The following VWA8 variants were observed in gnomAD, a reference collection of about 807,000 sequenced individuals.
VWA8 encodes von Willebrand factor A domain-containing protein 8.
Under a neutral mutation model 241.5 loss-of-function variants are expected in VWA8, and 221 were observed. The ratio of observed to expected loss-of-function variants is 0.91; its 90% CI spans 0.82 to 1.02. VWA8 has a LOEUF of 1.02. VWA8 is among the 50% of genes least tolerant of loss of function. VWA8 has a pLI of 0.00. For synonymous variants in VWA8, 852 were observed against 827.1 expected (o/e 1.03, Z -0.52); for missense variants, 2,322 against 2,328.7 (o/e 1.00, Z 0.06).
intron 35 of VWA8, among the ~76,000 whole-genome samples, chr13:41,679,156 T>C (rs2045080592): frequency 6.6e-6 from 1 of 152,072 alleles, no homozygotes; most frequent in Non-Finnish European, 1.5e-5. Context: ...CAAAGATAGG[T>C]ATAAGTTGTA....
chr13:41,941,738 C>T (rs1187159899), intron 2 of VWA8, among the ~76,000 whole-genome samples: 1 of 152,146 alleles, frequency 6.6e-6, no homozygotes, highest in East Asian at 1.9e-4. Flanking sequence ...CACTAAGCAC[C>T]AGGCAGTATC....
chr13:41,873,689 C>T (rs939589060), intron 9 of VWA8, among the ~76,000 whole-genome samples: 13 of 152,078 alleles, frequency 8.5e-5, no homozygotes, highest in Admixed American at 2.0e-4. Context: ...GTGGCAATAA[C>T]CAATAGCTCA....
At chr13:41,770,170 G>A (rs989039826) in intron 20 of VWA8, among the ~76,000 whole-genome samples, 2 of 151,986 alleles carry the variant, frequency 1.3e-5, no homozygotes, top group Non-Finnish European at 2.9e-5. Flanking sequence ...GTTTGAGGCC[G>A]GGCGCGGTGG....
rs375493127 is a variant in VWA8, at chr13:41,625,228, T to A, written c.4612-10144A>T. ...ATGGCAACAAAAGCCAAAATTGACA[T>A]ATGGGATCTAACTAAACTAAAGAGC... On this transcript the variant is annotated intron_variant, in intron 37 of 44. Coordinates refer to ENST00000379310, the MANE Select transcript of VWA8 (RefSeq NM_015058.2). Among the ~76,000 whole-genome samples the A allele has an allele frequency of 5.5e-3, 838 of 151,916 alleles. 11 individuals carry two copies. The highest frequency in any genetic ancestry group is 0.016 in the African/African-American group (661 of 41,460).
chr13:41,804,257 C>A lies in VWA8; in HGVS notation c.2063+6968G>T, dbSNP rs990959576. On this transcript the variant is annotated intron_variant, in intron 17 of 44. Coordinates refer to ENST00000379310, the MANE Select transcript of VWA8 (RefSeq NM_015058.2). ...TCAAGATATCTGAGGTACCTAAAAGCAGGAAGAGAAAAGAAACAAACAACA... is the reference window on the plus strand; with the variant it reads ...TCAAGATATCTGAGGTACCTAAAAGAAGGAAGAGAAAAGAAACAAACAACA... Among the ~76,000 whole-genome samples, 4 of 152,106 alleles carry A rather than the reference C, an allele frequency of 2.6e-5. No homozygotes were observed. In the East Asian group the frequency reaches 7.7e-4, roughly 29 times the overall value.
intron 20 of VWA8, among the ~76,000 whole-genome samples, chr13:41,769,303 T>G (rs2045801849): frequency 6.6e-6 from 1 of 152,206 alleles, no homozygotes; most frequent in Non-Finnish European, 1.5e-5. Flanking sequence ...AATAAAATTG[T>G]GGTCACATTA....
intron 37 of VWA8, among the ~76,000 whole-genome samples, chr13:41,622,520 T>C (rs1004590371): frequency 2.0e-5 from 3 of 152,192 alleles, no homozygotes; most frequent in African/African-American, 7.2e-5. Context: ...AAGAAAATAT[T>C]ATGGCCCCTT....
At chr13:41,711,647 G>GGT (rs2045317599) in intron 26 of VWA8, among the ~76,000 whole-genome samples, 2 of 152,152 alleles carry the variant, frequency 1.3e-5, no homozygotes, top group African/African-American at 2.4e-5. Context: ...GGCCAAGGCG[G>GGT]GCAGATCACG....
chr13:41,604,034 G>A (rs1044090667), intron 40 of VWA8, among the ~76,000 whole-genome samples: 25 of 152,112 alleles, frequency 1.6e-4, no homozygotes, highest in Non-Finnish European at 3.5e-4. Context: ...TAAGAAGTGA[G>A]TGAATCACTG....
intron 3 of VWA8, among the ~76,000 whole-genome samples, 164 bp from the exon 4 acceptor site, chr13:41,907,860 T>C (rs1875800619): frequency 6.6e-6 from 1 of 152,192 alleles, no homozygotes; most frequent in African/African-American, 2.4e-5. Context: ...AGAAATAAAT[T>C]GAACTTTAAT....
At chr13:41,744,670 C>G (rs2045591190) in intron 21 of VWA8, among the ~76,000 whole-genome samples, 1 of 152,166 alleles carries the variant, frequency 6.6e-6, no homozygotes, top group South Asian at 2.1e-4. Flanking sequence ...GTCACTCTGT[C>G]TGCTTACCTA....
chr13:41,823,895 G>A (rs956725306), intron 14 of VWA8, among the ~76,000 whole-genome samples: 3 of 152,204 alleles, frequency 2.0e-5, no homozygotes, highest in Non-Finnish European at 4.4e-5. Flanking sequence ...AAAGTTGAAA[G>A]GGTTGGTAGC....
intron 12 of VWA8, among the ~76,000 whole-genome samples, chr13:41,859,924 T>C (rs1872932284): frequency 6.6e-6 from 1 of 152,222 alleles, no homozygotes; most frequent in Non-Finnish European, 1.5e-5. Flanking sequence ...GTGTATCTAC[T>C]TTTTCCCACT....
chr13:41,682,549 C>T (rs1469638309), intron 35 of VWA8, among the ~76,000 whole-genome samples: 7 of 152,134 alleles, frequency 4.6e-5, no homozygotes. Context: ...GAGTTTGAGA[C>T]CAGCCTGGGC....
chr13:41,657,417 C>T (rs896655894), intron 37 of VWA8, among the ~76,000 whole-genome samples: 1 of 151,918 alleles, frequency 6.6e-6, no homozygotes, highest in African/African-American at 2.4e-5. Context: ...CTTTTTGATT[C>T]CATAATAAAT....
At chr13:41,928,870 G>C (rs1160950210) in intron 2 of VWA8, among the ~76,000 whole-genome samples, 1 of 150,460 alleles carries the variant, frequency 6.6e-6, no homozygotes, top group African/African-American at 2.4e-5. Context: ...TAAATAAAAA[G>C]TGAAAGTAAA....
intron 35 of VWA8, among the ~76,000 whole-genome samples, chr13:41,684,059 A>C (rs1398481835): frequency 6.6e-6 from 1 of 152,100 alleles, no homozygotes; most frequent in Non-Finnish European, 1.5e-5. Flanking sequence ...GTAAACTTCT[A>C]CTTTGTGTTT....
chr13:41,960,739 G>A lies in VWA8; in HGVS notation c.163+114C>T, dbSNP rs867233362. The A allele has an allele frequency of 1.6e-5, 22 of 1,360,154 alleles. No homozygotes were observed. In the Middle Eastern group the frequency reaches 8.0e-4, roughly 50 times the overall value. 84.3% of individuals were successfully genotyped at this position (1,360,154 alleles called of 1,614,324 possible). Reference sequence around the variant, plus strand: ...ACCTCAATCTTTCAGCTCCCCGCTCGGCAAACGGTCCTTCCAAGCGCAGCG... The same window carrying A: ...ACCTCAATCTTTCAGCTCCCCGCTCAGCAAACGGTCCTTCCAAGCGCAGCG... On this transcript the variant is annotated intron_variant, in intron 1 of 44. Transcript: ENST00000379310.
chr13:41,916,987 T>G (rs1876289888), intron 2 of VWA8, among the ~76,000 whole-genome samples: 1 of 152,220 alleles, frequency 6.6e-6, no homozygotes, highest in African/African-American at 2.4e-5. Flanking sequence ...TGATCCTATA[T>G]TCTAAGATTC....
Sources: gnomAD v4.1 joint callset for allele counts (sites outside exome capture counted in the v4.1 genomes callset) on GRCh38, gnomAD v4.1.1 for gene constraint, MANE v1.5 for transcripts, NCBI Gene and HGNC (gene_info 2026-07-23, HGNC 2026-07-21) for gene names.